Variants in VARS2 observed in about 807,000 individuals in gnomAD.
The protein encoded by VARS2 is valyl-tRNA synthetase 2, mitochondrial.
Under a neutral mutation model 154.1 loss-of-function variants are expected in VARS2, and 105 were observed. That is an observed-to-expected ratio of 0.68 (90% CI 0.58 to 0.80). VARS2 has a LOEUF of 0.80. Ranked by LOEUF, VARS2 falls within the 30% of genes least tolerant of loss-of-function variation. The pLI is 0.00. For synonymous variants in VARS2, 483 were observed against 539.5 expected, an observed-to-expected ratio of 0.90 and a Z score of 1.45; for missense variants, 1,157 against 1,361.4, an observed-to-expected ratio of 0.85 and a Z score of 2.36.
At chr6:30,922,623 G>A in intron 21 of VARS2, 69 bp downstream of exon 21, 4 of 1,566,388 alleles carry the variant, frequency 2.6e-6, no homozygotes, top group Non-Finnish European at 3.5e-6. Context: ...GGCAGGCTGA[G>A]GGAGGAGTGA....
chr6:30,922,637 C>A lies in VARS2; in HGVS notation c.2038-69C>A, dbSNP rs1402389995. ...AGGCAGGCTGAGGGAGGAGTGAGGC[C>A]AGCAGGTGTGACCCTTATAGAGGCA... On this transcript the variant is annotated intron_variant, in intron 21 of 29. Coordinates refer to ENST00000676266, the MANE Select transcript of VARS2 (RefSeq NM_020442.6). 1.9e-6 allele frequency: 3 copies of A among 1,573,098 alleles called. No homozygotes were observed. The East Asian group carries it at 6.7e-5, about 35-fold the overall frequency.
Position 30,926,419 on chromosome 6 carries a change from CTG to C in VARS2, c.*210_*211del, listed in dbSNP as rs1346662513. 16 of 604,370 alleles carry C rather than the reference CTG, an allele frequency of 2.6e-5. No homozygotes were observed. The highest frequency in any genetic ancestry group is 4.7e-5 in the Non-Finnish European group (16 of 341,258). 37.4% of individuals were successfully genotyped at this position (604,370 alleles called of 1,614,324 possible). ...CCCGGCCTGCCTCCCACCTGGAAGT[CTG>C]GGAATGAGGAGATTGAGATAAACTT... On this transcript the variant is annotated 3_prime_UTR_variant, in exon 30 of 30. Transcript: ENST00000676266.
Position 30,919,045 on chromosome 6 carries a change from A to G in VARS2, c.1074+130A>G. 1.2e-6 allele frequency: 1 copy of G among 800,646 alleles called. No individual in the cohort carries two copies. Among genetic ancestry groups the G allele is most frequent in the Non-Finnish European group, 2.0e-6 (1 of 493,336 alleles). 49.6% of individuals were successfully genotyped at this position (800,646 alleles called of 1,614,324 possible). ...CCTGAGACTTCTCTCAGTGGTTCTG[A>G]TTGGACTCCCTCCTCCTCTTATAGT... On this transcript the variant is annotated intron_variant, in intron 11 of 29. Transcript: ENST00000676266. The surrounding 1 kb of genome is among the most constrained non-coding windows in gnomAD (Gnocchi z 4.5).
At chr6:30,922,294 C>G in intron 20 of VARS2, 53 bp downstream of exon 20, 2 of 1,595,964 alleles carry the variant, frequency 1.3e-6, no homozygotes, top group Non-Finnish European at 1.7e-6. Flanking sequence ...GTTCCCCAAA[C>G]CTTGTCCTCC....
chr6:30,917,885 A>G lies in VARS2; in HGVS notation c.985+79A>G, dbSNP rs1243808513. The G allele has an allele frequency of 3.6e-6, 5 of 1,391,204 alleles. No homozygotes were observed. Among genetic ancestry groups the G allele is most frequent in the African/African-American group, 1.4e-5 (1 of 69,156 alleles). 86.2% of individuals were successfully genotyped at this position (1,391,204 alleles called of 1,614,324 possible). A position where few individuals can be genotyped will look rare whatever the true frequency, so the allele number is the denominator to read the frequency against. On this transcript the variant is annotated intron_variant, in intron 10 of 29. Coordinates refer to ENST00000676266, the MANE Select transcript of VARS2 (RefSeq NM_020442.6). The surrounding 1 kb of genome is among the most constrained non-coding windows in gnomAD (Gnocchi z 4.4). ...TGAAGCCCATGTTGGGCTGCTAGGA[A>G]CCCATCAGTCCATCTCTCACATGTA...
At chr6:30,914,392 T>G in intron 1 of VARS2, 48 bp downstream of exon 1, 1 of 1,255,408 alleles carries the variant, frequency 8.0e-7, no homozygotes, top group Non-Finnish European at 1.0e-6. Flanking sequence ...ACGCTGCGGG[T>G]CCTGGGCCCA....
In VARS2 at chr6:30,923,417, G is replaced by A; in HGVS notation, c.2378G>A (p.Cys793Tyr). The change falls in exon 25 of 30, where the codon TGT (cysteine) becomes TAT (tyrosine). Residue 793 changes from cysteine (C) to tyrosine (Y), a missense_variant. Cys to Tyr is a radical substitution (Grantham distance 194). Transcript: ENST00000676266. ...LSRLALAAQE[C>Y]ERGFLTRELS... ...CGCCTTGCCCTGGCTGCCCAGGAGTGTGAGCGGGGCTTCCTCACCCGAGAG... is the reference window on the plus strand; with the variant it reads ...CGCCTTGCCCTGGCTGCCCAGGAGTATGAGCGGGGCTTCCTCACCCGAGAG... 1.9e-6 allele frequency: 3 copies of A among 1,612,304 alleles called. No individual in the cohort carries two copies. The highest frequency in any genetic ancestry group is 2.5e-6 in the Non-Finnish European group (3 of 1,180,022).
chr6:30,923,163 A>G lies in VARS2; in HGVS notation c.2245A>G (p.Ile749Val). 6.2e-7 allele frequency: 1 copy of G among 1,613,070 alleles called. No homozygotes were observed. The highest frequency in any genetic ancestry group is 8.5e-7 in the Non-Finnish European group (1 of 1,180,018). Residue 749 changes from isoleucine to valine, a missense_variant, in exon 24 of 30, where the codon ATC becomes GTC. Ile to Val is a conservative substitution (Grantham distance 29). Coordinates refer to ENST00000676266, the MANE Select transcript of VARS2 (RefSeq NM_020442.6). ...VQSCRHFCNK[I>V]WNALRFILNA... is the part of the protein sequence containing the mutation. Reference sequence around the variant, plus strand: ...GAGCTGCCGACATTTCTGCAACAAGATCTGGAATGCTCTTCGCTTTATCCT... The same window carrying G: ...GAGCTGCCGACATTTCTGCAACAAGGTCTGGAATGCTCTTCGCTTTATCCT...
intron 1 of VARS2, 173 bp downstream of exon 1, chr6:30,914,517 G>A: frequency 1.5e-6 from 2 of 1,336,554 alleles, no homozygotes; most frequent in Non-Finnish European, 1.9e-6. Flanking sequence ...GCTCTTGGGC[G>A]CGCTGATGCC....
Position 30,915,255 on chromosome 6 carries a change from G to A in VARS2, c.283+18G>A. The A allele has an allele frequency of 6.2e-7, 1 of 1,613,626 alleles. No homozygotes were observed. The highest frequency in any genetic ancestry group is 8.5e-7 in the Non-Finnish European group (1 of 1,179,498). On this transcript the variant is annotated intron_variant, in intron 3 of 29. Coordinates refer to ENST00000676266, the MANE Select transcript of VARS2 (RefSeq NM_020442.6). ...AAAGAAAGGTAAGTAGAATAAGTAA[G>A]AAGGCCTTTTCTTTCACATATGTGT...
At chr6:30,924,675 C>T in intron 26 of VARS2, 115 bp downstream of exon 26, 1 of 639,340 alleles carries the variant, frequency 1.6e-6, no homozygotes, top group Non-Finnish European at 2.7e-6. Context: ...ACTGTGGAGC[C>T]CTGGGGAAGA....
rs1396007024 is a variant in VARS2 at position 30,926,294 on chromosome 6, C to T, written c.*84C>T. On this transcript the variant is annotated 3_prime_UTR_variant, in exon 30 of 30. Transcript: ENST00000676266. ...TGTCAGCTGTCAGGGTGCAGTGGGA[C>T]GTCAGAGACTATGTGGTCCATCGCC... is the stretch of plus-strand genomic sequence containing the variant. 1.6e-5 allele frequency: 22 copies of T among 1,358,708 alleles called. No individual in the cohort carries two copies. The highest frequency in any genetic ancestry group is 4.8e-5 in the East Asian group (2 of 41,522). 84.2% of individuals were successfully genotyped at this position (1,358,708 alleles called of 1,614,324 possible).
At position 30,923,497 on chromosome 6, in the gene VARS2, G is replaced by C. The variant is rs754570639; in HGVS notation, c.2458G>C (p.Val820Leu). The C allele has an allele frequency of 1.2e-6, 2 of 1,609,636 alleles. No homozygotes were observed. Among genetic ancestry groups the C allele is most frequent in the South Asian group, 2.2e-5 (2 of 91,056 alleles). ...CTTCTGGCTTCACAACCTCTGTGAC[G>C]TCTACCTGGTGAGTGAGGCTGGGGG... is the stretch of plus-strand genomic sequence containing the variant. ...HHFWLHNLCD[V>L]YLEAVKPVLW... The change falls in exon 25 of 30, where the codon GTC (valine) becomes CTC (leucine). Residue 820 changes from valine (V) to leucine (L), a missense_variant. Val to Leu is a conservative substitution (Grantham distance 32). Coordinates refer to ENST00000676266, the MANE Select transcript of VARS2 (RefSeq NM_020442.6).
chr6:30,918,436 G>A (rs1310946799), intron 10 of VARS2, among the ~76,000 whole-genome samples: 2 of 152,236 alleles, frequency 1.3e-5, no homozygotes, highest in Non-Finnish European at 2.9e-5. Context: ...AGCTGGAATT[G>A]TCAGTGGAAG....
chr6:30,920,960 G>A lies in VARS2; in HGVS notation c.1480-105G>A, dbSNP rs1048697095. 1.5e-6 allele frequency: 2 copies of A among 1,307,348 alleles called. No homozygotes were observed. The highest frequency in any genetic ancestry group is 1.5e-5 in the African/African-American group (1 of 66,818). The allele number at this position is 1,307,348 out of a possible 1,614,324, so 81.0% of individuals were successfully genotyped here. On this transcript the variant is annotated intron_variant, in intron 15 of 29. Coordinates refer to ENST00000676266, the MANE Select transcript of VARS2 (RefSeq NM_020442.6). This position sits in a 1 kb window ranked among gnomAD's most constrained non-coding sequence, Gnocchi z 4.6. ...CAGAATCTTGGCAAGAGGCTTGGGAGGTCCTTTCTGAGTTTTAAAATGACC... is the reference window on the plus strand; with the variant it reads ...CAGAATCTTGGCAAGAGGCTTGGGAAGTCCTTTCTGAGTTTTAAAATGACC...
At chr6:30,923,722 AGGAG>A in intron 25 of VARS2, 1 of 623,870 alleles carries the variant, frequency 1.6e-6, no homozygotes, top group South Asian at 2.5e-5. Flanking sequence ...GGAGAGGAGG[AGGAG>A]GGAGACTTCT....
At position 30,917,779 on chromosome 6, in the gene VARS2, G is replaced by T. The variant is rs201569238; in HGVS notation, c.958G>T (p.Val320Phe). 1.9e-6 allele frequency: 3 copies of T among 1,561,106 alleles called. No homozygotes were observed. In the East Asian group the frequency reaches 7.2e-5, roughly 37 times the overall value. The change falls in exon 10 of 30, where the codon GTT becomes TTT. Residue 320 changes from valine (V) to phenylalanine (F), a missense_variant. Coordinates refer to ENST00000676266, the MANE Select transcript of VARS2 (RefSeq NM_020442.6). The surrounding 1 kb of genome is among the most constrained non-coding windows in gnomAD (Gnocchi z 4.4). ...CGTGTCTTTTGGCCTCCTATTTTCT[G>T]TTGCCTTCCCCGTGGATGGAGAGCC... Reference protein sequence around the residue: ...TPVSFGLLFSVAFPVDGEPDA... With the variant: ...TPVSFGLLFSFAFPVDGEPDA...
rs372855952 is a variant in VARS2, at chr6:30,922,472, G to A, written c.1955G>A (p.Arg652Gln). 1.2e-5 allele frequency: 19 copies of A among 1,601,898 alleles called. No individual in the cohort carries two copies. Among genetic ancestry groups the A allele is most frequent in the South Asian group, 2.2e-5 (2 of 89,442 alleles). ...FSKVLLHPMV[R>Q]DRQGRKMSKS... ...CAGGTGCTTCTTCATCCCATGGTTC[G>A]GGACAGGCAGGGCCGGAAGATGAGC... The change falls in exon 21 of 30, where the codon CGG becomes CAG. Residue 652 changes from arginine (R) to glutamine (Q), a missense_variant. Physicochemically the swap from Arg to Gln is conservative, Grantham distance 43. Coordinates refer to ENST00000676266, the MANE Select transcript of VARS2 (RefSeq NM_020442.6).
Position 30,925,893 on chromosome 6 carries a change from C to T in VARS2, c.2975C>T (p.Pro992Leu). 6 of 1,612,844 alleles carry T rather than the reference C, an allele frequency of 3.7e-6. No individual in the cohort carries two copies. The highest frequency in any genetic ancestry group is 2.2e-5 in the South Asian group (2 of 91,064). ...VYMELQGLVD[P>L]QIQLPLLAAR... Reference sequence around the variant, plus strand: ...GTTCTTCCCCAGGGCCTGGTGGACCCGCAGATCCAGCTACCTCTGTTAGCC... The same window carrying T: ...GTTCTTCCCCAGGGCCTGGTGGACCTGCAGATCCAGCTACCTCTGTTAGCC... Residue 992 changes from proline to leucine, a missense_variant, in exon 29 of 30, where the codon CCG (proline) becomes CTG (leucine). Transcript: ENST00000676266.
Sources: gnomAD v4.1 joint callset for allele counts (sites outside exome capture counted in the v4.1 genomes callset) on GRCh38, gnomAD v4.1.1 for gene constraint, Gnocchi (gnomAD v3.1) non-coding constraint, MANE v1.5 for transcripts, NCBI Gene and HGNC (gene_info 2026-07-23, HGNC 2026-07-21) for gene names.